CUL3: variants seen among roughly 807,000 people sequenced by gnomAD.
CUL3 encodes cullin-3.
A neutral mutation model predicts 89.1 loss-of-function variants in CUL3; 19 were observed. That is an observed-to-expected ratio of 0.21 (90% CI 0.15 to 0.31). The LOEUF is 0.31. CUL3 is among the 10% of genes least tolerant of loss of function. The probability of loss-of-function intolerance (pLI) is 1.00; values close to 1 mark genes in which losing one functional copy is unlikely to be tolerated. For synonymous variants in CUL3, 351 were observed against 308.4 expected (o/e 1.14, Z -1.45); for missense variants, 469 against 942.3 (o/e 0.50, Z 6.58).
At chr2:224,498,804 T>A (rs527856321) in intron 11 of CUL3, among the ~76,000 whole-genome samples, 6 of 152,328 alleles carry the variant, frequency 3.9e-5, no homozygotes, top group African/African-American at 1.2e-4. Context: ...GCTGCTTTCC[T>A]GGAAAATGGC....
rs1224130404 is a variant in CUL3, at chr2:224,511,339, A to C, written c.883+15T>G. Reference sequence around the variant, plus strand: ...AGAGTAAGGATTTAATTATTTTTCAATCGGTAACACTTACCTTCTGTCTTT... The same window carrying C: ...AGAGTAAGGATTTAATTATTTTTCACTCGGTAACACTTACCTTCTGTCTTT... On this transcript the variant is annotated intron_variant, in intron 6 of 15. Coordinates refer to ENST00000264414, the MANE Select transcript of CUL3 (RefSeq NM_003590.5). 1 of 1,528,882 alleles carries C rather than the reference A, an allele frequency of 6.5e-7. No homozygotes were observed. The highest frequency in any genetic ancestry group is 8.9e-7 in the Non-Finnish European group (1 of 1,121,058). The allele number at this position is 1,528,882 out of a possible 1,614,324, so 94.7% of individuals were successfully genotyped here.
At chr2:224,524,054 G>A (rs1354150940) in intron 3 of CUL3, among the ~76,000 whole-genome samples, 1 of 152,134 alleles carries the variant, frequency 6.6e-6, no homozygotes, top group Non-Finnish European at 1.5e-5. Flanking sequence ...TTAAGGGTAA[G>A]ATGGTAAATT....
intron 15 of CUL3, among the ~76,000 whole-genome samples, chr2:224,476,813 C>A (rs950604217): frequency 7.9e-5 from 12 of 152,146 alleles, no homozygotes; most frequent in Non-Finnish European, 2.9e-5. Context: ...TAAACATGCT[C>A]AGTATCCTCC....
At chr2:224,535,820 A>G (rs1033704891) in intron 2 of CUL3, among the ~76,000 whole-genome samples, 179 bp from the exon 3 acceptor site, 4 of 152,252 alleles carry the variant, frequency 2.6e-5, no homozygotes, top group African/African-American at 7.2e-5. Context: ...TATCAAATGT[A>G]TATGTATAGT....
At position 224,585,182 on chromosome 2, in the gene CUL3, C is replaced by CGGCGGCGGGGGCGGCGGCGGCGGG. The variant is rs1553538491; in HGVS notation, c.-174_-173insCCCGCCGCCGCCGCCCCCGCCGCC. ...GCAGCCGCGGCGGCGGCGGGGGCGG[C>CGGCGGCGGGGGCGGCGGCGGCGGG]GGCGGCGGCGGCGGCGGCTCGGACT... On this transcript the variant is annotated 5_prime_UTR_variant, in exon 1 of 16. Transcript: ENST00000264414. 18 of 70,908 alleles carry CGGCGGCGGGGGCGGCGGCGGCGGG rather than the reference C, an allele frequency of 2.5e-4. No individual in the cohort carries two copies. Among genetic ancestry groups the CGGCGGCGGGGGCGGCGGCGGCGGG allele is most frequent in the Middle Eastern group, 0.011 (2 of 188 alleles). 4.4% of individuals were successfully genotyped at this position (70,908 alleles called of 1,614,324 possible). A position where few individuals can be genotyped will look rare whatever the true frequency, so the allele number is the denominator to read the frequency against.
Position 224,481,923 on chromosome 2 carries a change from T to C in CUL3, c.1998A>G (p.Thr666=), listed in dbSNP as rs1248472112. The C allele has an allele frequency of 4.4e-6, 7 of 1,589,192 alleles. No homozygotes were observed. The highest frequency in any genetic ancestry group is 6.0e-6 in the Non-Finnish European group (7 of 1,169,680). The change falls in exon 14 of 16, where the codon ACA becomes ACG. Residue 666 remains threonine, a synonymous_variant. Coordinates refer to ENST00000264414, the MANE Select transcript of CUL3 (RefSeq NM_003590.5). ...GAATCTTGACTCTGTGTAGTTTGGA[T>C]GTGAATTGATCATTAACTGTAAATA... is the stretch of plus-strand genomic sequence containing the variant. ...GHIFTVNDQF[T]SKLHRVKIQT...
chr2:224,506,888 T>C lies in CUL3; in HGVS notation c.999A>G (p.Gly333=), dbSNP rs1432221357. 1 of 1,613,582 alleles carries C rather than the reference T, an allele frequency of 6.2e-7. No individual in the cohort carries two copies. The highest frequency in any genetic ancestry group is 1.3e-5 in the African/African-American group (1 of 74,916). The change falls in exon 7 of 16, where the codon GGA becomes GGG. Residue 333 remains glycine (G), a synonymous_variant. Coordinates refer to ENST00000264414, the MANE Select transcript of CUL3 (RefSeq NM_003590.5). ...TATAGTCAACAGGATTCTTTCCTTC[T>C]CCTTCTTCAGAAACAAGAGCTTTAC... ...EQGKALVSEE[G]EGKNPVDYIQ...
chr2:224,548,403 C>T (rs139484827), intron 2 of CUL3, among the ~76,000 whole-genome samples: 32 of 152,250 alleles, frequency 2.1e-4, no homozygotes, highest in Non-Finnish European at 4.3e-4. Context: ...ATAGGACATA[C>T]GGATAGAAAA....
chr2:224,565,406 G>A (rs982131747), intron 1 of CUL3, among the ~76,000 whole-genome samples: 3 of 152,188 alleles, frequency 2.0e-5, no homozygotes, highest in Non-Finnish European at 4.4e-5. Context: ...AGAGATGGAG[G>A]AGGGAGAGGT....
intron 11 of CUL3, chr2:224,499,335 A>G (rs139660233): frequency 5.1e-4 from 105 of 205,258 alleles, no homozygotes; most frequent in African/African-American, 2.4e-3. Flanking sequence ...TCACACAAAG[A>G]AGGCACTGGT....
rs947600979 is a variant in CUL3 at position 224,472,208 on chromosome 2, A to G, written c.*2037T>C. ...CTCCAAAGTTAACAAGTATGTCTCT[A>G]AACTCTAGATCTGATTTTTACAGCC... On this transcript the variant is annotated 3_prime_UTR_variant, in exon 16 of 16. Coordinates refer to ENST00000264414, the MANE Select transcript of CUL3 (RefSeq NM_003590.5). 8.9e-6 allele frequency: 2 copies of G among 223,978 alleles called. No homozygotes were observed. Among genetic ancestry groups the G allele is most frequent in the Non-Finnish European group, 1.8e-5 (2 of 112,450 alleles). The allele number at this position is 223,978 out of a possible 1,614,324, so 13.9% of individuals were successfully genotyped here.
intron 2 of CUL3, among the ~76,000 whole-genome samples, chr2:224,555,236 C>T (rs1382534382): frequency 6.6e-6 from 1 of 152,146 alleles, no homozygotes; most frequent in Non-Finnish European, 1.5e-5. Flanking sequence ...ATTCTCTACC[C>T]ATTTCAAATC....
chr2:224,531,315 T>A (rs567665160), intron 3 of CUL3, among the ~76,000 whole-genome samples: 34 of 152,204 alleles, frequency 2.2e-4, no homozygotes, highest in Non-Finnish European at 2.8e-4. Context: ...CTCAAATTCC[T>A]GGCCTCAAGT....
rs527449132 is a variant in CUL3 at position 224,473,975 on chromosome 2, ATACAG to A, written c.*265_*269del. The stretch of plus-strand genomic sequence containing the variant: ...ATTTCTCTTTTATTTTCCTGTTTTC[ATACAG>A]TAAAGAAAACAAAACGCAGCACATT... On this transcript the variant is annotated 3_prime_UTR_variant, in exon 16 of 16. Transcript: ENST00000264414. 2.7e-3 allele frequency: 767 copies of A among 289,258 alleles called. 2 individuals are homozygous for A. Among genetic ancestry groups the A allele is most frequent in the Non-Finnish European group, 4.2e-3 (657 of 154,740 alleles). The allele number at this position is 289,258 out of a possible 1,614,324, so 17.9% of individuals were successfully genotyped here.
chr2:224,525,675 C>T (rs753828280), intron 3 of CUL3, among the ~76,000 whole-genome samples: 7 of 152,154 alleles, frequency 4.6e-5, no homozygotes, highest in Non-Finnish European at 8.8e-5. Context: ...GTGCCTGGCA[C>T]GCACCAAAGG....
In CUL3 at chr2:224,585,300, T is replaced by C; in HGVS notation, c.-291A>G. On this transcript the variant is annotated 5_prime_UTR_variant, in exon 1 of 16. Transcript: ENST00000264414. ...GGCTCGGCTCCCTTTATCGCGCTCC[T>C]CCGCGATGGCGGCGGCGGCGGCGAC... 1 of 395,026 alleles carries C rather than the reference T, an allele frequency of 2.5e-6. No homozygotes were observed. 24.5% of individuals were successfully genotyped at this position (395,026 alleles called of 1,614,324 possible).
intron 3 of CUL3, among the ~76,000 whole-genome samples, chr2:224,534,128 T>C (rs370762709): frequency 6.6e-6 from 1 of 152,256 alleles, no homozygotes; most frequent in Non-Finnish European, 1.5e-5. Flanking sequence ...CATTAACTTA[T>C]TAATTTTGGA....
chr2:224,552,913 A>T (rs1325391500), intron 2 of CUL3, among the ~76,000 whole-genome samples: 2 of 152,218 alleles, frequency 1.3e-5, no homozygotes, highest in African/African-American at 4.8e-5. Context: ...AAAGATAGGT[A>T]TTCTGATACC....
chr2:224,523,238 A>G (rs559091991), intron 3 of CUL3, among the ~76,000 whole-genome samples: 2 of 152,322 alleles, frequency 1.3e-5, no homozygotes, highest in East Asian at 3.9e-4. Context: ...CAGTTGCCTC[A>G]TCTGTAAAAT....
Sources: allele counts gnomAD v4.1 joint callset (sites outside exome capture counted in the v4.1 genomes callset), GRCh38; gene constraint gnomAD v4.1.1; transcripts MANE v1.5; gene names NCBI Gene and HGNC (gene_info 2026-07-23, HGNC 2026-07-21).